The following TIAM2 variants were observed in gnomAD, a reference collection of about 807,000 sequenced individuals.
TIAM2 encodes rho guanine nucleotide exchange factor TIAM2.
TIAM2 carries 80 observed loss-of-function variants against 152.9 expected under a neutral mutation model. That is an observed-to-expected ratio of 0.52 (90% CI 0.44 to 0.63). The LOEUF (loss-of-function observed/expected upper bound fraction) is 0.63. TIAM2 is among the 30% of genes least tolerant of loss of function. The probability of loss-of-function intolerance (pLI) is 0.00; values close to 1 mark genes in which losing one functional copy is unlikely to be tolerated. For synonymous variants in TIAM2, 804 were observed against 838.0 expected (o/e 0.96, Z 0.70); for missense variants, 1,965 against 2,120.1 (o/e 0.93, Z 1.44).
intron 1 of TIAM2, among the ~76,000 whole-genome samples, chr6:155,020,672 A>G (rs1192171861): frequency 6.6e-6 from 1 of 152,146 alleles, no homozygotes; most frequent in Non-Finnish European, 1.5e-5. Flanking sequence ...CATGTTGGCC[A>G]GGTTGGTCTC....
At chr6:155,232,801 G>A (rs1310395722) in intron 15 of TIAM2, 1 of 152,134 alleles carries the variant, frequency 6.6e-6, no homozygotes, top group Non-Finnish European at 1.5e-5. Context: ...CTCTTTCCTA[G>A]TAGCTTTCTA....
rs148016779 is a variant in TIAM2, at chr6:155,188,222, G to A, written c.3064+4722G>A. 5.1e-4 allele frequency among the ~76,000 whole-genome samples: 78 copies of A among 152,274 alleles called. No homozygotes were observed. The East Asian group carries it at 0.014, about 28-fold the overall frequency. On this transcript the variant is annotated intron_variant, in intron 14 of 26. Coordinates refer to ENST00000682666, the MANE Select transcript of TIAM2 (RefSeq NM_012454.4). ...AGGCAGTCGACTCTTAGCTCACCTC[G>A]TTTATTGCTGGGCCCGTGCTTGGAA... is the stretch of plus-strand genomic sequence containing the variant.
intron 9 of TIAM2, among the ~76,000 whole-genome samples, chr6:155,172,828 T>C (rs1303174945): frequency 6.6e-6 from 1 of 150,688 alleles, no homozygotes; most frequent in African/African-American, 2.4e-5. Flanking sequence ...AGCAGCATCT[T>C]TGACATGGGT....
At chr6:155,100,240 G>T (rs900565299) in intron 2 of TIAM2, among the ~76,000 whole-genome samples, 1 of 152,228 alleles carries the variant, frequency 6.6e-6, no homozygotes, top group Non-Finnish European at 1.5e-5. Context: ...AGTAGCAGGT[G>T]CTGGCGCTTC....
chr6:155,061,473 T>C (rs528929795), intron 1 of TIAM2, among the ~76,000 whole-genome samples: 1 of 151,654 alleles, frequency 6.6e-6, no homozygotes, highest in Non-Finnish European at 1.5e-5. Context: ...TTTTCGTATT[T>C]ATAACTTCTT....
chr6:155,209,780 G>A (rs1017888394), intron 14 of TIAM2, among the ~76,000 whole-genome samples: 7 of 152,138 alleles, frequency 4.6e-5, no homozygotes, highest in African/African-American at 1.2e-4. Flanking sequence ...TATGTTTTCC[G>A]GAGGCCTTCC....
At chr6:155,120,275 G>A (rs910603741) in intron 2 of TIAM2, among the ~76,000 whole-genome samples, 19 of 152,180 alleles carry the variant, frequency 1.2e-4, no homozygotes, top group Admixed American at 2.6e-4. Context: ...AAGGAGTCCC[G>A]CTGAATTCAA....
rs1007483398 is a variant in TIAM2, at chr6:155,256,938, C to T, written c.4923C>T (p.Ser1641=). 3.7e-6 allele frequency: 6 copies of T among 1,614,070 alleles called. No homozygotes were observed. The Admixed American group carries it at 8.3e-5, about 22-fold the overall frequency. ...GCCCCATTAAACGAAAAGCCAACAGCACCAAGAGGGACAGAGGAACTTTGC... is the reference window on the plus strand; with the variant it reads ...GCCCCATTAAACGAAAAGCCAACAGTACCAAGAGGGACAGAGGAACTTTGC... ...HFCPIKRKAN[S]TKRDRGTLLK... The change falls in exon 27 of 27, where the codon AGC becomes AGT. Residue 1641 remains serine, a synonymous_variant. Coordinates refer to ENST00000682666, the MANE Select transcript of TIAM2 (RefSeq NM_012454.4).
chr6:155,098,743 T>C lies in TIAM2; in HGVS notation c.-118+8364T>C, dbSNP rs1778477131. Among the ~76,000 whole-genome samples the C allele has an allele frequency of 2.6e-5, 4 of 152,364 alleles. No homozygotes were observed. In the South Asian group the frequency reaches 8.3e-4, roughly 32 times the overall value. On this transcript the variant is annotated intron_variant, in intron 2 of 26. Coordinates refer to ENST00000682666, the MANE Select transcript of TIAM2 (RefSeq NM_012454.4). ...CCAGTACTATGTTGAATAAAAGTGG[T>C]AAAAATGGAAAAGAACAACTTTTAT...
chr6:155,155,498 G>A (rs1003387539), intron 7 of TIAM2, among the ~76,000 whole-genome samples: 15 of 150,664 alleles, frequency 1.0e-4, no homozygotes, highest in African/African-American at 1.5e-4. Context: ...TTTTTGAAAC[G>A]GAGTCTTTCT....
At chr6:155,146,768 A>ATTTTTTTTTTTTTTT (rs373361803) in intron 6 of TIAM2, among the ~76,000 whole-genome samples, 6 of 135,894 alleles carry the variant, frequency 4.4e-5, no homozygotes, top group African/African-American at 1.7e-4. Context: ...TGCCTGGCTA[A>ATTTTTTTTTTTTTTT]TTTTTTTTTT....
At position 155,130,820 on chromosome 6, in the gene TIAM2, CAG is replaced by C. The variant is rs577656203; in HGVS notation, c.1194+410_1194+411del. Among the ~76,000 whole-genome samples the C allele has an allele frequency of 6.6e-4, 101 of 152,290 alleles. 1 individual carries two copies. The highest frequency in any genetic ancestry group is 4.8e-3 in the South Asian group (23 of 4,830). On this transcript the variant is annotated intron_variant, in intron 4 of 26. Coordinates refer to ENST00000682666, the MANE Select transcript of TIAM2 (RefSeq NM_012454.4). ...GCCTTCTCACTGTGTCCTCATGCGG[CAG>C]AGAGAGCAGGAGGTCTAGGCTCTTT...
intron 15 of TIAM2, among the ~76,000 whole-genome samples, chr6:155,215,799 T>G (rs1024274483): frequency 2.6e-5 from 4 of 151,712 alleles, no homozygotes; most frequent in Non-Finnish European, 4.4e-5. Context: ...TTTTATTGTT[T>G]TAAATTTTGT....
At chr6:155,134,342 G>A (rs958910751) in intron 4 of TIAM2, among the ~76,000 whole-genome samples, 2 of 152,008 alleles carry the variant, frequency 1.3e-5, no homozygotes, top group Admixed American at 6.6e-5. Flanking sequence ...TAGAGACTGG[G>A]AGAGTTCATA....
chr6:155,150,443 A>G (rs1237557041), intron 7 of TIAM2, among the ~76,000 whole-genome samples: 10 of 152,060 alleles, frequency 6.6e-5, no homozygotes, highest in Non-Finnish European at 1.2e-4. Context: ...AGTTGTTAAG[A>G]GGTGTGAAGG....
chr6:155,056,736 A>G (rs1447410714), intron 1 of TIAM2, among the ~76,000 whole-genome samples: 1 of 152,126 alleles, frequency 6.6e-6, no homozygotes, highest in Non-Finnish European at 1.5e-5. Flanking sequence ...TATTATTAAC[A>G]TCTTATATTA....
chr6:155,000,884 T>G (rs1240214829), intron 1 of TIAM2, among the ~76,000 whole-genome samples: 1 of 152,116 alleles, frequency 6.6e-6, no homozygotes, highest in Non-Finnish European at 1.5e-5. Context: ...CTCGGGAGGT[T>G]GGGGCACGAG....
intron 2 of TIAM2, among the ~76,000 whole-genome samples, chr6:155,111,305 AC>A (rs749819971): frequency 0.14 from 11,158 of 79,834 alleles, 542 homozygotes; most frequent in East Asian, 0.42. Flanking sequence ...GAATACACAC[AC>A]ACACACACAC....
intron 1 of TIAM2, among the ~76,000 whole-genome samples, chr6:155,074,747 T>G (rs573404258): frequency 6.6e-6 from 1 of 151,624 alleles, no homozygotes; most frequent in East Asian, 1.9e-4. Flanking sequence ...AAGAGGCTGT[T>G]AGTTCCTAAA....
Sources: gnomAD v4.1 joint callset for allele counts (sites outside exome capture counted in the v4.1 genomes callset) on GRCh38, gnomAD v4.1.1 for gene constraint, MANE v1.5 for transcripts, NCBI Gene and HGNC (gene_info 2026-07-23, HGNC 2026-07-21) for gene names.